The following KAZN variants were observed in gnomAD, a reference collection of about 807,000 sequenced individuals.
KAZN encodes the protein kazrin.
In KAZN, 40 loss-of-function variants were observed where a neutral mutation model predicts 87.4. That is an observed-to-expected ratio of 0.46 (90% CI 0.36 to 0.60). The LOEUF (loss-of-function observed/expected upper bound fraction) is 0.60, where lower values mean the gene tolerates loss of function less well. KAZN is among the 20% of genes least tolerant of loss of function. KAZN has a pLI of 0.00. For missense variants in KAZN, 898 were observed against 1,073.9 expected (o/e 0.84, Z 2.29); for synonymous variants, 466 against 458.3 (o/e 1.02, Z -0.22).
chr1:14,229,634 TA>T (rs1331773299), intron 2 of KAZN, among the ~76,000 whole-genome samples: 1 of 152,252 alleles, frequency 6.6e-6, no homozygotes, highest in African/African-American at 2.4e-5. Context: ...CTTATTCATA[TA>T]AGGGCCCTCT....
chr1:14,881,558 C>T (rs1336248822), intron 1 of KAZN, among the ~76,000 whole-genome samples: 2 of 152,214 alleles, frequency 1.3e-5, no homozygotes, highest in African/African-American at 2.4e-5. Flanking sequence ...ATGTGCTAGG[C>T]ACTGTCCTCA....
chr1:14,606,026 A>G (rs1453751337), intron 1 of KAZN, among the ~76,000 whole-genome samples: 1 of 152,196 alleles, frequency 6.6e-6, no homozygotes, highest in Non-Finnish European at 1.5e-5. Context: ...CCCATTTTCC[A>G]TAGGAGAAAA....
chr1:13,895,718 A>G (rs1210540136), intron 1 of KAZN, among the ~76,000 whole-genome samples: 2 of 152,170 alleles, frequency 1.3e-5, no homozygotes, highest in African/African-American at 4.8e-5. Context: ...AGGGGTTTAC[A>G]GCTGGGTGAA....
In KAZN at chr1:14,695,510, C is replaced by CTTT. The variant is rs112667110; in HGVS notation, c.226+96300_226+96302dup. On this transcript the variant is annotated intron_variant, in intron 1 of 14. Coordinates refer to ENST00000376030, the MANE Select transcript of KAZN (RefSeq NM_201628.3). The stretch of plus-strand genomic sequence containing the variant: ...CCTCTTTCCCCAGACTACATTCCAT[C>CTTT]TTTTTTTTTTTTTTTGATGGAGTCT... Among the ~76,000 whole-genome samples, 232 of 85,076 alleles carry CTTT rather than the reference C, an allele frequency of 2.7e-3. 44 individuals are homozygous for CTTT. In the South Asian group the frequency reaches 0.042, roughly 15 times the overall value. 55.8% of individuals were successfully genotyped at this position (85,076 alleles called of 152,430 possible). A position where few individuals can be genotyped will look rare whatever the true frequency, so the allele number is the denominator to read the frequency against.
At position 14,695,510 on chromosome 1, in the gene KAZN, C is replaced by CTTTTTTTTT. The variant is rs112667110; in HGVS notation, c.226+96294_226+96302dup. Among the ~76,000 whole-genome samples, 252 of 85,018 alleles carry CTTTTTTTTT rather than the reference C, an allele frequency of 3.0e-3. 30 individuals are homozygous for CTTTTTTTTT. The highest frequency in any genetic ancestry group is 9.6e-3 in the South Asian group (20 of 2,074). The allele number at this position is 85,018 out of a possible 152,430, so 55.8% of individuals were successfully genotyped here. A position where few individuals can be genotyped will look rare whatever the true frequency, so the allele number is the denominator to read the frequency against. ...CCTCTTTCCCCAGACTACATTCCAT[C>CTTTTTTTTT]TTTTTTTTTTTTTTTGATGGAGTCT... On this transcript the variant is annotated intron_variant, in intron 1 of 14. Transcript: ENST00000376030.
chr1:14,223,930 C>T (rs1647170499), intron 2 of KAZN, among the ~76,000 whole-genome samples: 1 of 152,122 alleles, frequency 6.6e-6, no homozygotes, highest in African/African-American at 2.4e-5. Flanking sequence ...GGAAGACATC[C>T]CCAAAAGTAT....
intron 1 of KAZN, among the ~76,000 whole-genome samples, chr1:14,614,899 A>G (rs777995666): frequency 5.3e-5 from 8 of 152,202 alleles, no homozygotes; most frequent in Non-Finnish European, 1.0e-4. Context: ...GTCTCTTAAC[A>G]CTTCCTAGCT....
intron 2 of KAZN, among the ~76,000 whole-genome samples, chr1:14,504,555 T>C (rs1369578311): frequency 6.6e-6 from 1 of 152,178 alleles, no homozygotes; most frequent in African/African-American, 2.4e-5. Flanking sequence ...GCTGATACGA[T>C]GGGATCTGCT....
In KAZN at chr1:14,424,243, A is replaced by G. The variant is rs1665587925; in HGVS notation, c.250-174740A>G. On this transcript the variant is annotated intron_variant, in intron 2 of 16. Transcript: ENST00000636203. ...AAGGAGAAAATGACCCAAAGACCACATTCAGCAAATCGTAGTCTCATGATC... is the reference window on the plus strand; with the variant it reads ...AAGGAGAAAATGACCCAAAGACCACGTTCAGCAAATCGTAGTCTCATGATC... Among the ~76,000 whole-genome samples, 3 of 152,184 alleles carry G rather than the reference A, an allele frequency of 2.0e-5. No individual in the cohort carries two copies. In the South Asian group the frequency reaches 6.2e-4, roughly 32 times the overall value.
rs762613728 is a variant in KAZN, at chr1:14,858,209, C to CTTTTTTTTTTTTTTTTTTTTTTTTT, written c.227-102471_227-102470insTTTTTTTTTTTTTTTTTTTTTTTTT. The stretch of plus-strand genomic sequence containing the variant: ...CTTTCTTTTTTTCTTTTTTCTTTTT[C>CTTTTTTTTTTTTTTTTTTTTTTTTT]TTTTCTTTTTTTTTTTTTTTTGAGA... On this transcript the variant is annotated intron_variant, in intron 1 of 14. Transcript: ENST00000376030. Among the ~76,000 whole-genome samples the CTTTTTTTTTTTTTTTTTTTTTTTTT allele has an allele frequency of 1.2e-4, 14 of 115,892 alleles. 2 individuals are homozygous for CTTTTTTTTTTTTTTTTTTTTTTTTT. Among genetic ancestry groups the CTTTTTTTTTTTTTTTTTTTTTTTTT allele is most frequent in the African/African-American group, 1.1e-4 (3 of 26,364 alleles). 76.0% of individuals were successfully genotyped at this position (115,892 alleles called of 152,430 possible). A position where few individuals can be genotyped will look rare whatever the true frequency, so the allele number is the denominator to read the frequency against.
chr1:14,022,144 G>A (rs111426796), intron 1 of KAZN, among the ~76,000 whole-genome samples: 2,022 of 152,032 alleles, frequency 0.013, 17 homozygotes, highest in South Asian at 0.027. Flanking sequence ...ATGACTAGGA[G>A]CTTTGGATCT....
At chr1:14,414,389 A>G (rs1429384753) in intron 2 of KAZN, among the ~76,000 whole-genome samples, 1 of 151,888 alleles carries the variant, frequency 6.6e-6, no homozygotes, top group Non-Finnish European at 1.5e-5. Flanking sequence ...GGGGAGAGGA[A>G]GGAGCCAAGA....
At chr1:14,093,969 GTAGGACCCTGCTGGA>G (rs1171800781) in intron 1 of KAZN, among the ~76,000 whole-genome samples, 2 of 152,286 alleles carry the variant, frequency 1.3e-5, no homozygotes, top group African/African-American at 4.8e-5. Flanking sequence ...CAGGTATGGG[GTAGGACCCTGCTGGA>G]ATGAGAATCT....
chr1:14,027,492 C>T (rs541288937), intron 1 of KAZN, among the ~76,000 whole-genome samples: 1 of 152,212 alleles, frequency 6.6e-6, no homozygotes, highest in African/African-American at 2.4e-5. Context: ...TCTGCCCCCC[C>T]GCCACCTCCC....
At chr1:14,589,666 G>A (rs910214608) in intron 2 of KAZN, among the ~76,000 whole-genome samples, 27 of 152,150 alleles carry the variant, frequency 1.8e-4, no homozygotes, top group African/African-American at 6.5e-4. Context: ...GAAGAAAGAT[G>A]GTGCACCTTG....
chr1:14,235,842 C>G (rs116253957), intron 2 of KAZN, among the ~76,000 whole-genome samples: 81 of 152,276 alleles, frequency 5.3e-4, no homozygotes, highest in Non-Finnish European at 9.8e-4. Context: ...CAGCACCCTT[C>G]TTAGCAATCC....
intron 1 of KAZN, among the ~76,000 whole-genome samples, chr1:14,802,269 T>C (rs1033249401): frequency 8.6e-5 from 13 of 151,838 alleles, no homozygotes; most frequent in African/African-American, 2.9e-4. Context: ...CCAGGTGTGG[T>C]GGTTTGTGCC....
chr1:14,204,383 G>A (rs1646697835), intron 2 of KAZN, among the ~76,000 whole-genome samples: 1 of 152,170 alleles, frequency 6.6e-6, no homozygotes, highest in Admixed American at 6.5e-5. Context: ...ACAAGGTAGT[G>A]CAGACAACCT....
intron 1 of KAZN, among the ~76,000 whole-genome samples, chr1:14,651,696 T>TC (rs1207669015): frequency 6.6e-6 from 1 of 152,132 alleles, no homozygotes; most frequent in African/African-American, 2.4e-5. Context: ...GGGGCTTTTT[T>TC]CCCCCCACGA....
Sources: gnomAD v4.1 joint callset for allele counts (sites outside exome capture counted in the v4.1 genomes callset) on GRCh38, gnomAD v4.1.1 for gene constraint, MANE v1.5 for transcripts, NCBI Gene and HGNC (gene_info 2026-07-23, HGNC 2026-07-21) for gene names.